The following RGS3 variants were observed in gnomAD, a reference collection of about 807,000 sequenced individuals.
RGS3 encodes regulator of G-protein signalling 3.
In RGS3, 80 loss-of-function variants were observed where a neutral mutation model predicts 132.6. The ratio of observed to expected loss-of-function variants is 0.60; its 90% CI spans 0.50 to 0.73. The LOEUF is 0.73. Ranked by LOEUF, RGS3 falls within the 30% of genes least tolerant of loss-of-function variation. The pLI, the probability that RGS3 is intolerant of heterozygous loss-of-function variation, is 0.00. For missense variants in RGS3, 1,382 were observed against 1,530.8 expected (o/e 0.90, Z 1.62); for synonymous variants, 598 against 620.6 (o/e 0.96, Z 0.54).
intron 7 of RGS3, among the ~76,000 whole-genome samples, 159 bp from the exon 6 acceptor site, chr9:113,495,627 T>C (rs540133129): frequency 3.6e-4 from 55 of 152,318 alleles, no homozygotes; most frequent in African/African-American, 1.0e-3. Context: ...AGCTCCTCTC[T>C]ATCCTGCCTC....
In RGS3 at chr9:113,506,277, A is replaced by G. The variant is rs938612956; in HGVS notation, c.980-111A>G. The G allele has an allele frequency of 1.5e-6, 1 of 646,722 alleles. No individual in the cohort carries two copies. The highest frequency in any genetic ancestry group is 1.9e-5 in the African/African-American group (1 of 53,972). The allele number at this position is 646,722 out of a possible 1,614,324, so 40.1% of individuals were successfully genotyped here. On this transcript the variant is annotated intron_variant, in intron 11 of 24. Coordinates refer to ENST00000350696, the Ensembl canonical transcript of RGS3. The surrounding 1 kb of genome is among the most constrained non-coding windows in gnomAD (Gnocchi z 4.7). ...TCATTTCACGGATGAAGAAACTTAGAGAAAAAGGGAGGTCCTTGTCTGAGG... is the reference window on the plus strand; with the variant it reads ...TCATTTCACGGATGAAGAAACTTAGGGAAAAAGGGAGGTCCTTGTCTGAGG...
At chr9:113,546,676 A>G (rs1344493705) in intron 19 of RGS3, among the ~76,000 whole-genome samples, 1 of 152,198 alleles carries the variant, frequency 6.6e-6, no homozygotes, top group African/African-American at 2.4e-5. Context: ...AGACCAGAGC[A>G]TGGATCTGCA....
upstream of RGS3, among the ~76,000 whole-genome samples, chr9:113,457,121 T>A (rs1013351220): frequency 2.6e-5 from 4 of 152,160 alleles, no homozygotes; most frequent in African/African-American, 7.2e-5. Flanking sequence ...TTGGCCCCTG[T>A]TTACTTTCTT....
chr9:113,460,997 T>A (rs1172371848), intron 1 of RGS3, among the ~76,000 whole-genome samples: 2 of 152,184 alleles, frequency 1.3e-5, no homozygotes, highest in Non-Finnish European at 2.9e-5. Flanking sequence ...TTTGTGTGCA[T>A]GTGTCAGTGT....
At chr9:113,587,264 G>A (rs1315309430) in intron 20 of RGS3, among the ~76,000 whole-genome samples, 1 of 152,212 alleles carries the variant, frequency 6.6e-6, no homozygotes, top group Non-Finnish European at 1.5e-5. Context: ...GACAGTGGCA[G>A]GTTCCCCCAT....
intron 19 of RGS3, among the ~76,000 whole-genome samples, chr9:113,552,554 G>A (rs572746277): frequency 2.0e-5 from 3 of 152,132 alleles, no homozygotes; most frequent in African/African-American, 4.8e-5. Context: ...TCCTGACCTC[G>A]TAATCCGTCC....
At chr9:113,461,386 G>A (rs1298277329) in intron 1 of RGS3, among the ~76,000 whole-genome samples, 1 of 152,056 alleles carries the variant, frequency 6.6e-6, no homozygotes, top group Non-Finnish European at 1.5e-5. Context: ...GGGTTAATAG[G>A]GCCAGTCTCT....
At chr9:113,453,140 C>G (rs1829293422) in intron 1 of RGS3, among the ~76,000 whole-genome samples, 1 of 120,496 alleles carries the variant, frequency 8.3e-6, no homozygotes, top group South Asian at 2.9e-4. Context: ...ATAATATACT[C>G]ATATGATTAT....
chr9:113,553,145 A>G (rs911005926), intron 19 of RGS3, among the ~76,000 whole-genome samples: 5 of 151,886 alleles, frequency 3.3e-5, no homozygotes, highest in Non-Finnish European at 7.4e-5. Context: ...TTTGTAACTC[A>G]TCTATAAAGA....
intron 19 of RGS3, chr9:113,564,842 C>T (rs10981828): frequency 0.09 from 72,884 of 809,018 alleles, 3,531 homozygotes; most frequent in Non-Finnish European, 0.094. Context: ...TGGAAGTCAG[C>T]GTGTGCTGGC....
At chr9:113,580,859 G>A (rs898224934) in intron 19 of RGS3, 14 of 985,738 alleles carry the variant, frequency 1.4e-5, no homozygotes, top group Middle Eastern at 5.2e-4. Flanking sequence ...AGTCACCACT[G>A]GGACAGGCCT....
At chr9:113,596,984 C>T in exon 25 of RGS3, 1 of 1,561,648 alleles carries the variant, frequency 6.4e-7, no homozygotes. Flanking sequence ...AGCGTTCACA[C>T]CAGGCGGGCT....
At chr9:113,546,310 G>A (rs1833113138) in intron 19 of RGS3, among the ~76,000 whole-genome samples, 1 of 152,188 alleles carries the variant, frequency 6.6e-6, no homozygotes. Flanking sequence ...GCATGCATCA[G>A]GAGTCCTGAC....
At chr9:113,461,620 C>A in intron 1 of RGS3, 2 of 1,355,976 alleles carry the variant, frequency 1.5e-6, no homozygotes, top group African/African-American at 1.4e-5. Context: ...GGGCAGGAGT[C>A]AGGAGGGGAC....
chr9:113,548,887 G>C (rs949326448), intron 19 of RGS3, among the ~76,000 whole-genome samples: 2 of 152,240 alleles, frequency 1.3e-5, no homozygotes, highest in Admixed American at 1.3e-4. Context: ...ATGTGGTCAG[G>C]CTTCCTGAGA....
At chr9:113,534,475 T>C (rs188223336) in intron 18 of RGS3, among the ~76,000 whole-genome samples, 1 of 152,322 alleles carries the variant, frequency 6.6e-6, no homozygotes, top group Admixed American at 6.5e-5. Context: ...TACACATCCT[T>C]CCATGTACTT....
At chr9:113,575,803 C>T (rs1403364204) in intron 19 of RGS3, among the ~76,000 whole-genome samples, 1 of 152,206 alleles carries the variant, frequency 6.6e-6, no homozygotes, top group African/African-American at 2.4e-5. Flanking sequence ...AGATTGGGTC[C>T]AGACAGGCAT....
At chr9:113,495,678 G>A (rs1588159972) in intron 7 of RGS3, 108 bp from the exon 6 acceptor site, 2 of 869,246 alleles carry the variant, frequency 2.3e-6, no homozygotes, top group East Asian at 4.8e-5. Context: ...TGGGTAAAAA[G>A]CTTTGTAAAC....
intron 4 of RGS3, among the ~76,000 whole-genome samples, chr9:113,480,486 A>G (rs990743057): frequency 4.0e-5 from 6 of 151,238 alleles, no homozygotes; most frequent in African/African-American, 1.5e-4. Context: ...AAAGAAAACC[A>G]TACATTCCAA....
Sources: gnomAD v4.1 joint callset for allele counts (sites outside exome capture counted in the v4.1 genomes callset) on GRCh38, gnomAD v4.1.1 for gene constraint, Gnocchi (gnomAD v3.1) non-coding constraint, MANE v1.5 for transcripts, NCBI Gene and HGNC (gene_info 2026-07-23, HGNC 2026-07-21) for gene names.